The following PLD1 variants were observed in gnomAD, a reference collection of about 807,000 sequenced individuals.
PLD1 encodes the protein phospholipase D1, also known as choline phosphatase 1.
Under a neutral mutation model 137.1 loss-of-function variants are expected in PLD1, and 112 were observed. The observed-to-expected ratio is 0.82, with a 90% CI of 0.70 to 0.96. The LOEUF (loss-of-function observed/expected upper bound fraction) is 0.96. PLD1 is among the 40% of genes least tolerant of loss of function. The pLI, the probability that PLD1 is intolerant of heterozygous loss-of-function variation, is 0.00. For missense variants in PLD1, 1,321 were observed against 1,342.0 expected, an observed-to-expected ratio of 0.98 and a Z score of 0.24; for synonymous variants, 431 against 454.7, an observed-to-expected ratio of 0.95 and a Z score of 0.66.
chr3:171,743,643 A>G (rs553418868), intron 1 of PLD1, among the ~76,000 whole-genome samples: 112 of 152,188 alleles, frequency 7.4e-4, no homozygotes, highest in Non-Finnish European at 9.0e-4. Context: ...GATGAAATCT[A>G]TGAACCCACA....
intron 23 of PLD1, among the ~76,000 whole-genome samples, chr3:171,633,526 C>G (rs1734853649): frequency 6.6e-6 from 1 of 152,066 alleles, no homozygotes; most frequent in Non-Finnish European, 1.5e-5. Context: ...TAGGAAAAAT[C>G]TCTAATGTAA....
At position 171,787,331 on chromosome 3, in the gene PLD1, A is replaced by G. The variant is rs549368112; in HGVS notation, c.-32+23068T>C. 1.1e-3 allele frequency among the ~76,000 whole-genome samples: 174 copies of G among 152,262 alleles called. 1 individual carries two copies. The highest frequency in any genetic ancestry group is 4.0e-3 in the African/African-American group (168 of 41,540). ...CACAGGCCTACTTTCTGGATTTGTT[A>G]TGTTGGAATAGATTATCTACCCTGA... On this transcript the variant is annotated intron_variant, in intron 1 of 26. Coordinates refer to ENST00000351298, the MANE Select transcript of PLD1 (RefSeq NM_002662.5).
chr3:171,762,362 A>C (rs973918203), intron 1 of PLD1, among the ~76,000 whole-genome samples: 10 of 152,358 alleles, frequency 6.6e-5, no homozygotes, highest in Middle Eastern at 3.4e-3. Flanking sequence ...AGATATAGTT[A>C]AATATCCACA....
chr3:171,679,098 G>T (rs777802864), intron 16 of PLD1, among the ~76,000 whole-genome samples: 1 of 152,110 alleles, frequency 6.6e-6, no homozygotes, highest in African/African-American at 2.4e-5. Context: ...TCCCCTGCCC[G>T]CATCAATGCC....
At chr3:171,696,469 G>T (rs1715706053) in intron 12 of PLD1, among the ~76,000 whole-genome samples, 1 of 152,130 alleles carries the variant, frequency 6.6e-6, no homozygotes, top group Admixed American at 6.5e-5. Flanking sequence ...AGAGATGTTT[G>T]CCATACGTTG....
rs60146546 is a variant in PLD1, at chr3:171,808,815, A to ATTTTTTT, written c.-32+1577_-32+1583dup. Among the ~76,000 whole-genome samples, 63 of 86,230 alleles carry ATTTTTTT rather than the reference A, an allele frequency of 7.3e-4. 5 individuals carry two copies. Among genetic ancestry groups the ATTTTTTT allele is most frequent in the African/African-American group, 2.2e-3 (45 of 20,670 alleles). The allele number at this position is 86,230 out of a possible 152,430, so 56.6% of individuals were successfully genotyped here. Reference sequence around the variant, plus strand: ...TTTTTCCTCAAAGCCTTAGCATTCAATTTTTTTTTTTTTTTTTTTTTTTTT... The same window carrying ATTTTTTT: ...TTTTTCCTCAAAGCCTTAGCATTCAATTTTTTTTTTTTTTTTTTTTTTTTTTTTTTTT... On this transcript the variant is annotated intron_variant, in intron 1 of 26. Coordinates refer to ENST00000351298, the MANE Select transcript of PLD1 (RefSeq NM_002662.5).
chr3:171,606,164 G>C (rs1460774681), intron 25 of PLD1, among the ~76,000 whole-genome samples: 1 of 152,208 alleles, frequency 6.6e-6, no homozygotes, highest in East Asian at 1.9e-4. Flanking sequence ...CTGATAGAGT[G>C]AATGTAGGGT....
chr3:171,736,353 C>G (rs1026397764), intron 3 of PLD1, among the ~76,000 whole-genome samples: 5 of 152,180 alleles, frequency 3.3e-5, no homozygotes, highest in Non-Finnish European at 5.9e-5. Context: ...GTCACTCATT[C>G]AAGATCACAA....
chr3:171,682,749 C>T (rs1280062793), intron 16 of PLD1, among the ~76,000 whole-genome samples: 1 of 151,986 alleles, frequency 6.6e-6, no homozygotes, highest in Non-Finnish European at 1.5e-5. Flanking sequence ...GAAGAGGTAC[C>T]AATAGCTGTG....
Position 171,602,536 on chromosome 3 carries a change from C to T in PLD1, c.*542G>A, listed in dbSNP as rs571080728. 2.3e-4 allele frequency: 37 copies of T among 162,612 alleles called. No individual in the cohort carries two copies. Among genetic ancestry groups the T allele is most frequent in the Non-Finnish European group, 4.9e-4 (36 of 73,864 alleles). The allele number at this position is 162,612 out of a possible 1,614,324, so 10.1% of individuals were successfully genotyped here. ...TGAAAAGGAATAATGACTATATCCT[C>T]ATTTGGGTGAATGTTACTACTTCAG... On this transcript the variant is annotated 3_prime_UTR_variant, in exon 27 of 27. Coordinates refer to ENST00000351298, the MANE Select transcript of PLD1 (RefSeq NM_002662.5).
chr3:171,669,741 GT>G (rs1260225925), intron 19 of PLD1, among the ~76,000 whole-genome samples: 1 of 152,240 alleles, frequency 6.6e-6, no homozygotes, highest in East Asian at 1.9e-4. Context: ...CTTGAAGGCT[GT>G]TTTTGATGGA....
chr3:171,765,972 T>G (rs1721954384), intron 1 of PLD1, among the ~76,000 whole-genome samples: 1 of 152,174 alleles, frequency 6.6e-6, no homozygotes, highest in South Asian at 2.1e-4. Context: ...AACTGAAATT[T>G]TAAGCTTGAC....
chr3:171,712,454 G>T (rs1560241956), intron 9 of PLD1, among the ~76,000 whole-genome samples: 1 of 152,210 alleles, frequency 6.6e-6, no homozygotes, highest in Non-Finnish European at 1.5e-5. Flanking sequence ...CAGGATGTGA[G>T]TCAGTATCAA....
At chr3:171,631,051 A>T (rs184272516) in intron 23 of PLD1, among the ~76,000 whole-genome samples, 21 of 152,094 alleles carry the variant, frequency 1.4e-4, no homozygotes, top group African/African-American at 4.6e-4. Flanking sequence ...CTGAATAATT[A>T]AAAAAAACTC....
intron 1 of PLD1, among the ~76,000 whole-genome samples, chr3:171,808,405 A>G (rs1463322587): frequency 6.6e-6 from 1 of 152,094 alleles, no homozygotes; most frequent in African/African-American, 2.4e-5. Flanking sequence ...GCGTGGCAGC[A>G]GGCGCCTGTT....
chr3:171,768,800 T>C (rs1414816590), intron 1 of PLD1, among the ~76,000 whole-genome samples: 1 of 152,244 alleles, frequency 6.6e-6, no homozygotes, highest in African/African-American at 2.4e-5. Flanking sequence ...ATCTGAGATG[T>C]GTGAGACATC....
intron 24 of PLD1, among the ~76,000 whole-genome samples, chr3:171,614,076 C>T (rs1396561150): frequency 6.6e-6 from 1 of 152,154 alleles, no homozygotes; most frequent in Non-Finnish European, 1.5e-5. Flanking sequence ...GCTGCCCTTT[C>T]CTGAAGAGAC....
At chr3:171,683,407 C>T (rs1714213894) in intron 16 of PLD1, among the ~76,000 whole-genome samples, 1 of 152,246 alleles carries the variant, frequency 6.6e-6, no homozygotes, top group Non-Finnish European at 1.5e-5. Flanking sequence ...CACCCCAGCC[C>T]ACCTCTCTGA....
chr3:171,732,668 T>C (rs1412685742), intron 6 of PLD1, among the ~76,000 whole-genome samples: 1 of 152,222 alleles, frequency 6.6e-6, no homozygotes, highest in African/African-American at 2.4e-5. Flanking sequence ...TGCACATATA[T>C]AATATAGATG....
Sources: allele counts gnomAD v4.1 joint callset (sites outside exome capture counted in the v4.1 genomes callset), GRCh38; gene constraint gnomAD v4.1.1; transcripts MANE v1.5; gene names NCBI Gene and HGNC (gene_info 2026-07-23, HGNC 2026-07-21).